SYN3: variants seen among roughly 807,000 people sequenced by gnomAD.
SYN3 encodes synapsin III.
SYN3 carries 35 observed loss-of-function variants against 65.8 expected under a neutral mutation model. That is an observed-to-expected ratio of 0.53 (90% confidence interval 0.41 to 0.70). The LOEUF is 0.70. SYN3 is among the 30% of genes least tolerant of loss of function. The pLI is 0.00. For missense variants in SYN3, 680 were observed against 749.0 expected, an observed-to-expected ratio of 0.91 and a Z score of 1.08; for synonymous variants, 270 against 292.9, an observed-to-expected ratio of 0.92 and a Z score of 0.80.
intron 6 of SYN3, among the ~76,000 whole-genome samples, chr22:32,703,723 A>G (rs1206777848): frequency 6.6e-6 from 1 of 152,126 alleles, no homozygotes; most frequent in Non-Finnish European, 1.5e-5. Context: ...ACTGATGGCA[A>G]AAGTCTTGAG....
chr22:32,869,163 TTGA>T (rs1054903523), intron 4 of SYN3, 38 bp from the exon 5 acceptor site: 1 of 1,595,216 alleles, frequency 6.3e-7, no homozygotes, highest in African/African-American at 1.3e-5. Flanking sequence ...CACTGGGACA[TTGA>T]TGAAACACCA....
In SYN3 at chr22:32,528,994, T is replaced by G. The variant is rs776830854; in HGVS notation, c.1110A>C (p.Ser370=). ...RDYIIEVMDS[S]MPLIGEHVEE... is the part of the protein sequence containing the mutation. ...CCACATGCTCTCCAATCAGCGGCATTGAGCTGTCCATTACCTGTGGGGAGG... is the reference window on the plus strand; with the variant it reads ...CCACATGCTCTCCAATCAGCGGCATGGAGCTGTCCATTACCTGTGGGGAGG... Residue 370 remains serine (S), a synonymous_variant, in exon 11 of 14, where the codon TCA becomes TCC. Transcript: ENST00000358763. The G allele has an allele frequency of 4.3e-6, 7 of 1,613,780 alleles. No individual in the cohort carries two copies. In the South Asian group the frequency reaches 7.7e-5, roughly 18 times the overall value.
chr22:32,560,891 C>T (rs989319716), intron 7 of SYN3, among the ~76,000 whole-genome samples: 3 of 152,116 alleles, frequency 2.0e-5, no homozygotes, highest in African/African-American at 7.2e-5. Flanking sequence ...GAGGGTGGTA[C>T]ATTCTAGAAA....
rs73881908 is a variant in SYN3 at position 32,893,934 on chromosome 22, T to C, written c.462-24809A>G. The stretch of plus-strand genomic sequence containing the variant: ...GGTTTTCCACCAAGCTGTGAGCTCA[T>C]CAAGAGCACAGATGATGGTACCTTC... On this transcript the variant is annotated intron_variant, in intron 4 of 13. Coordinates refer to ENST00000358763, the MANE Select transcript of SYN3 (RefSeq NM_003490.4). 9.4e-3 allele frequency among the ~76,000 whole-genome samples: 1,428 copies of C among 152,192 alleles called. 33 individuals are homozygous for C. Among genetic ancestry groups the C allele is most frequent in the African/African-American group, 0.033 (1,384 of 41,526 alleles).
At chr22:33,031,714 C>T (rs990040176) in intron 1 of SYN3, among the ~76,000 whole-genome samples, 1 of 151,998 alleles carries the variant, frequency 6.6e-6, no homozygotes, top group Non-Finnish European at 1.5e-5. Flanking sequence ...CCCCTGTCCC[C>T]CATGCCCTTC....
At chr22:32,874,424 C>A (rs180748378) in intron 4 of SYN3, among the ~76,000 whole-genome samples, 1 of 152,190 alleles carries the variant, frequency 6.6e-6, no homozygotes, top group Non-Finnish European at 1.5e-5. Flanking sequence ...AAATAATTAA[C>A]GGTAAAGATG....
intron 6 of SYN3, among the ~76,000 whole-genome samples, chr22:32,779,080 T>C (rs913718776): frequency 6.6e-6 from 1 of 152,172 alleles, no homozygotes; most frequent in Non-Finnish European, 1.5e-5. Flanking sequence ...CAAATGAATG[T>C]AAAATGTAAT....
At chr22:32,861,212 G>T (rs550547187) in intron 6 of SYN3, 1 of 152,116 alleles carries the variant, frequency 6.6e-6, no homozygotes, top group Admixed American at 6.6e-5. Context: ...ACACTGTAGA[G>T]TCTTGCACAC....
At chr22:32,713,231 C>A (rs2093824672) in intron 6 of SYN3, among the ~76,000 whole-genome samples, 1 of 152,174 alleles carries the variant, frequency 6.6e-6, no homozygotes, top group African/African-American at 2.4e-5. Context: ...AATTCAGTTG[C>A]CAGAAAATGT....
chr22:32,642,742 G>A (rs911245373), intron 6 of SYN3, among the ~76,000 whole-genome samples: 2 of 151,808 alleles, frequency 1.3e-5, no homozygotes, highest in Non-Finnish European at 2.9e-5. Flanking sequence ...TTTTATTTTT[G>A]AGATGGGGGT....
intron 3 of SYN3, among the ~76,000 whole-genome samples, chr22:32,933,744 G>C (rs563902657): frequency 6.6e-6 from 1 of 152,216 alleles, no homozygotes; most frequent in African/African-American, 2.4e-5. Flanking sequence ...AGCTGGCCCT[G>C]TGCTTTTAAC....
intron 1 of SYN3, among the ~76,000 whole-genome samples, chr22:33,017,885 A>G (rs1422946188): frequency 1.3e-5 from 2 of 151,982 alleles, no homozygotes; most frequent in Non-Finnish European, 2.9e-5. Context: ...GGGGAGAGAG[A>G]AGTGTATAAG....
intron 3 of SYN3, among the ~76,000 whole-genome samples, chr22:32,963,079 ACT>A (rs1491398984): frequency 1.6e-5 from 2 of 128,526 alleles, no homozygotes; most frequent in Non-Finnish European, 3.4e-5. Flanking sequence ...ATTACAAAAT[ACT>A]TTTTTTTTTT....
chr22:32,914,539 G>GC (rs1335002969), intron 4 of SYN3, among the ~76,000 whole-genome samples: 3 of 151,408 alleles, frequency 2.0e-5, no homozygotes, highest in African/African-American at 7.3e-5. Context: ...CCAGGTTCGT[G>GC]CCATTCTCCT....
intron 6 of SYN3, among the ~76,000 whole-genome samples, chr22:32,728,203 C>T (rs899798021): frequency 1.3e-5 from 2 of 152,160 alleles, no homozygotes; most frequent in Admixed American, 6.5e-5. Context: ...GATGAAGATG[C>T]GAAAAGCAAT....
At chr22:32,997,188 A>G (rs2052905903) in intron 2 of SYN3, among the ~76,000 whole-genome samples, 1 of 152,140 alleles carries the variant, frequency 6.6e-6, no homozygotes, top group Non-Finnish European at 1.5e-5. Flanking sequence ...AGTCTTCCCT[A>G]TGTATACAAT....
chr22:32,574,940 G>A (rs1227895754), intron 7 of SYN3, among the ~76,000 whole-genome samples: 1 of 152,198 alleles, frequency 6.6e-6, no homozygotes, highest in Admixed American at 6.5e-5. Flanking sequence ...GTAGGGACTT[G>A]GTCTTTTAAA....
At chr22:32,543,750 C>T (rs1037817728) in intron 7 of SYN3, among the ~76,000 whole-genome samples, 2 of 152,086 alleles carry the variant, frequency 1.3e-5, no homozygotes, top group African/African-American at 4.8e-5. Flanking sequence ...CCTGGGTAGC[C>T]GTGATATTAG....
chr22:32,558,480 A>G (rs1489587193), intron 7 of SYN3, among the ~76,000 whole-genome samples: 1 of 152,244 alleles, frequency 6.6e-6, no homozygotes, highest in Non-Finnish European at 1.5e-5. Flanking sequence ...TGGAGAATTC[A>G]GAACCCCATG....
Sources: allele counts gnomAD v4.1 joint callset (sites outside exome capture counted in the v4.1 genomes callset), GRCh38; gene constraint gnomAD v4.1.1; transcripts MANE v1.5; gene names NCBI Gene and HGNC (gene_info 2026-07-23, HGNC 2026-07-21).